Variants in GNA14 observed in about 807,000 individuals in gnomAD.
The protein encoded by GNA14 is G protein subunit alpha 14, also known as guanine nucleotide-binding protein subunit alpha-14.
Under a neutral mutation model 42.0 loss-of-function variants are expected in GNA14, and 50 were observed. The ratio of observed to expected loss-of-function variants is 1.19; its 90% confidence interval spans 0.95 to 1.51. The LOEUF (loss-of-function observed/expected upper bound fraction) is 1.51. Ranked by LOEUF, GNA14 falls within the 40% of genes most tolerant of loss-of-function variation. The probability of loss-of-function intolerance (pLI) is 0.00; values close to 1 mark genes in which losing one functional copy is unlikely to be tolerated. For synonymous variants in GNA14, 173 were observed against 163.1 expected (o/e 1.06, Z -0.46); for missense variants, 473 against 446.2 (o/e 1.06, Z -0.54).
chr9:77,509,716 G>C (rs1448400017), intron 2 of GNA14, among the ~76,000 whole-genome samples: 1 of 152,110 alleles, frequency 6.6e-6, no homozygotes, highest in Non-Finnish European at 1.5e-5. Flanking sequence ...TTAATCACAA[G>C]ACAAAGATTC....
chr9:77,646,838 T>C (rs78125702), intron 1 of GNA14, among the ~76,000 whole-genome samples: 4,712 of 152,308 alleles, frequency 0.031, 146 homozygotes, highest in African/African-American at 0.082. Context: ...GGGCAAACCT[T>C]AAACTGTGTT....
At chr9:77,519,907 G>A (rs1402037246) in intron 2 of GNA14, among the ~76,000 whole-genome samples, 1 of 152,104 alleles carries the variant, frequency 6.6e-6, no homozygotes, top group South Asian at 2.1e-4. Flanking sequence ...CTACTCGGGG[G>A]ACTGAGGCAG....
At chr9:77,510,887 A>C (rs916388243) in intron 2 of GNA14, among the ~76,000 whole-genome samples, 2 of 152,070 alleles carry the variant, frequency 1.3e-5, no homozygotes, top group Non-Finnish European at 2.9e-5. Flanking sequence ...TATGAGTCTA[A>C]GATGATTTGA....
chr9:77,481,851 A>G (rs1281167365), intron 2 of GNA14, among the ~76,000 whole-genome samples: 1 of 151,952 alleles, frequency 6.6e-6, no homozygotes, highest in African/African-American at 2.4e-5. Flanking sequence ...AGTCTGTTTT[A>G]TCAGAGACTA....
intron 2 of GNA14, among the ~76,000 whole-genome samples, chr9:77,443,006 C>T (rs1030709145): frequency 1.3e-5 from 2 of 152,178 alleles, no homozygotes; most frequent in Non-Finnish European, 2.9e-5. Context: ...AAAAATATAG[C>T]AGCTCTAAAG....
intron 1 of GNA14, among the ~76,000 whole-genome samples, chr9:77,632,949 G>A (rs1055546395): frequency 6.6e-6 from 1 of 152,092 alleles, no homozygotes; most frequent in Non-Finnish European, 1.5e-5. Context: ...CAAAACTCAG[G>A]CAAAGGTGCC....
At chr9:77,638,634 T>C (rs1429300906) in intron 1 of GNA14, among the ~76,000 whole-genome samples, 3 of 152,328 alleles carry the variant, frequency 2.0e-5, no homozygotes, top group African/African-American at 7.2e-5. Context: ...AATGACCCTG[T>C]GTACATTCCG....
At chr9:77,611,626 T>C (rs1823732781) in intron 1 of GNA14, among the ~76,000 whole-genome samples, 1 of 152,150 alleles carries the variant, frequency 6.6e-6, no homozygotes, top group Admixed American at 6.5e-5. Flanking sequence ...GTTCAGACAA[T>C]AGCTTTAAAT....
At chr9:77,463,666 A>G (rs1299811185) in intron 2 of GNA14, among the ~76,000 whole-genome samples, 2 of 152,212 alleles carry the variant, frequency 1.3e-5, no homozygotes, top group African/African-American at 4.8e-5. Flanking sequence ...GCAATGAGAA[A>G]TGCCTCAAAA....
chr9:77,426,399 C>T (rs1450710169), intron 5 of GNA14, among the ~76,000 whole-genome samples: 1 of 152,068 alleles, frequency 6.6e-6, no homozygotes, highest in African/African-American at 2.4e-5. Context: ...CCAGCTCCTG[C>T]ATTCAAGTGA....
At chr9:77,643,127 A>G (rs1043437981) in intron 1 of GNA14, among the ~76,000 whole-genome samples, 4 of 152,196 alleles carry the variant, frequency 2.6e-5, no homozygotes, top group Non-Finnish European at 5.9e-5. Context: ...GAATCCCTGC[A>G]CTGTGGCTGG....
chr9:77,639,148 G>A (rs1472456948), intron 1 of GNA14, among the ~76,000 whole-genome samples: 2 of 151,988 alleles, frequency 1.3e-5, no homozygotes, highest in Admixed American at 6.5e-5. Context: ...GTAATTTGGC[G>A]CTGCCCAGCA....
intron 3 of GNA14, among the ~76,000 whole-genome samples, chr9:77,432,379 C>G (rs2131690390): frequency 6.6e-6 from 1 of 152,340 alleles, no homozygotes; most frequent in Non-Finnish European, 1.5e-5. Flanking sequence ...TGCCCAGATA[C>G]AGTCCCAGGG....
At chr9:77,613,687 C>T (rs376899057) in intron 1 of GNA14, among the ~76,000 whole-genome samples, 3 of 152,270 alleles carry the variant, frequency 2.0e-5, no homozygotes, top group African/African-American at 4.8e-5. Flanking sequence ...GCTTTCTATG[C>T]GTCAATCATA....
chr9:77,430,525 G>T (rs889784844), intron 4 of GNA14, among the ~76,000 whole-genome samples: 4 of 152,156 alleles, frequency 2.6e-5, no homozygotes, highest in African/African-American at 9.7e-5. Context: ...AATATAGATG[G>T]GGGACATGTT....
chr9:77,460,420 C>T lies in GNA14; in HGVS notation c.310-25898G>A, dbSNP rs538734252. On this transcript the variant is annotated intron_variant, in intron 2 of 6. Transcript: ENST00000341700. The stretch of plus-strand genomic sequence containing the variant: ...AGGCTCCAGGGGGAACCAGCCCTGC[C>T]GACACCTTGATTTCTGACTGCTGGC... Among the ~76,000 whole-genome samples, 12 of 152,318 alleles carry T rather than the reference C, an allele frequency of 7.9e-5. 1 individual carries two copies. Among genetic ancestry groups the T allele is most frequent in the African/African-American group, 2.4e-4 (10 of 41,572 alleles).
At chr9:77,485,017 G>A (rs1404041136) in intron 2 of GNA14, among the ~76,000 whole-genome samples, 2 of 152,114 alleles carry the variant, frequency 1.3e-5, no homozygotes, top group African/African-American at 4.8e-5. Context: ...GGTTGCTAAA[G>A]GTTGAGGTGA....
chr9:77,431,275 C>T (rs1835547137), intron 4 of GNA14, 46 bp downstream of exon 4: 1 of 1,586,914 alleles, frequency 6.3e-7, no homozygotes, highest in Non-Finnish European at 8.6e-7. Flanking sequence ...TGGGGACTTC[C>T]AAGCCTGGGC....
At chr9:77,636,402 C>G (rs1379704668) in intron 1 of GNA14, among the ~76,000 whole-genome samples, 4 of 152,124 alleles carry the variant, frequency 2.6e-5, no homozygotes, top group Non-Finnish European at 4.4e-5. Flanking sequence ...TTTTAAAAAG[C>G]AAACTTGACA....
Sources: allele counts gnomAD v4.1 joint callset (sites outside exome capture counted in the v4.1 genomes callset), GRCh38; gene constraint gnomAD v4.1.1; transcripts MANE v1.5; gene names NCBI Gene and HGNC (gene_info 2026-07-23, HGNC 2026-07-21).